The following R3HDM1 variants were observed in gnomAD, a reference collection of about 807,000 sequenced individuals.
R3HDM1 encodes R3H domain-containing protein 1.
Under a neutral mutation model 141.1 loss-of-function variants are expected in R3HDM1, and 46 were observed. That is an observed-to-expected ratio of 0.33 (90% confidence interval 0.26 to 0.42). The LOEUF (loss-of-function observed/expected upper bound fraction) is 0.42, where lower values mean the gene tolerates loss of function less well. Among genes scored for constraint, R3HDM1 ranks in the 10% least tolerant of loss-of-function variants. The probability of loss-of-function intolerance (pLI) is 1.00; values close to 1 mark genes in which losing one functional copy is unlikely to be tolerated. For missense variants in R3HDM1, 1,184 were observed against 1,368.3 expected (o/e 0.87, Z 2.12); for synonymous variants, 435 against 472.9 (o/e 0.92, Z 1.04).
intron 10 of R3HDM1, 23 bp from the exon 11 acceptor site, chr2:135,636,065 A>G (rs1190454446): frequency 1.5e-5 from 24 of 1,610,934 alleles, no homozygotes; most frequent in South Asian, 4.4e-5. Flanking sequence ...TCATTTGCCT[A>G]AAAATTATCC....
chr2:135,547,626 A>G (rs1445702892), intron 1 of R3HDM1, among the ~76,000 whole-genome samples: 2 of 151,780 alleles, frequency 1.3e-5, no homozygotes, highest in East Asian at 1.9e-4. Context: ...GGTTGAATCA[A>G]CTGTTTGCTG....
At chr2:135,666,977 C>G (rs916957949) in intron 19 of R3HDM1, 3 of 430,996 alleles carry the variant, frequency 7.0e-6, no homozygotes, top group African/African-American at 4.4e-5. Context: ...CAAGCACAGT[C>G]TGGAAAAAAA....
chr2:135,676,041 T>C (rs549130961), intron 20 of R3HDM1, among the ~76,000 whole-genome samples: 7 of 152,294 alleles, frequency 4.6e-5, no homozygotes, highest in Admixed American at 1.3e-4. Flanking sequence ...GTTGTAGATA[T>C]TAGGCCAGGC....
At chr2:135,717,735 A>T (rs184988962) in intron 24 of R3HDM1, among the ~76,000 whole-genome samples, 2 of 152,338 alleles carry the variant, frequency 1.3e-5, no homozygotes, top group African/African-American at 4.8e-5. Flanking sequence ...AAATTCTCAC[A>T]CATTGGCGGT....
chr2:135,640,098 C>CAAAA (rs909774063), intron 14 of R3HDM1, among the ~76,000 whole-genome samples: 4 of 69,870 alleles, frequency 5.7e-5, no homozygotes, highest in Non-Finnish European at 1.2e-4. Context: ...GACTCCGTCT[C>CAAAA]AAAAAAAAAA....
At chr2:135,573,066 A>G (rs1195939741) in intron 1 of R3HDM1, among the ~76,000 whole-genome samples, 1 of 152,212 alleles carries the variant, frequency 6.6e-6, no homozygotes, top group Non-Finnish European at 1.5e-5. Context: ...AAAATATTCT[A>G]AAATTGATTG....
At chr2:135,677,089 A>G (rs769546942) in intron 20 of R3HDM1, among the ~76,000 whole-genome samples, 1 of 152,214 alleles carries the variant, frequency 6.6e-6, no homozygotes, top group Non-Finnish European at 1.5e-5. Context: ...AAATTGGTTA[A>G]GATGACATTC....
chr2:135,718,923 G>A (rs780394556), intron 24 of R3HDM1, among the ~76,000 whole-genome samples: 1 of 152,140 alleles, frequency 6.6e-6, no homozygotes, highest in Non-Finnish European at 1.5e-5. Flanking sequence ...TGAGGTGGGT[G>A]GATCAGGAGG....
At chr2:135,555,066 C>T (rs1172431325) in intron 1 of R3HDM1, among the ~76,000 whole-genome samples, 1 of 151,972 alleles carries the variant, frequency 6.6e-6, no homozygotes, top group African/African-American at 2.4e-5. Flanking sequence ...CTTTGGGAGG[C>T]CAAGGTGGGC....
intron 17 of R3HDM1, chr2:135,651,477 G>A: frequency 1.2e-5 from 12 of 967,600 alleles, no homozygotes; most frequent in Non-Finnish European, 1.5e-5. Flanking sequence ...GTGAAATGTT[G>A]TACCCTACTC....
intron 17 of R3HDM1, chr2:135,651,127 T>A: frequency 2.0e-6 from 2 of 985,428 alleles, no homozygotes; most frequent in Non-Finnish European, 2.4e-6. Flanking sequence ...TGTCAAATTA[T>A]CTGACTTCCA....
chr2:135,585,083 T>G (rs1201045865), intron 1 of R3HDM1, among the ~76,000 whole-genome samples: 1 of 152,194 alleles, frequency 6.6e-6, no homozygotes, highest in Non-Finnish European at 1.5e-5. Flanking sequence ...AGTAAAAGAT[T>G]GTACACTGGA....
intron 21 of R3HDM1, among the ~76,000 whole-genome samples, chr2:135,686,053 A>G (rs570314180): frequency 2.0e-5 from 3 of 152,362 alleles, no homozygotes; most frequent in Admixed American, 1.3e-4. Context: ...AATGGCAAAC[A>G]GGCCAGAGAA....
intron 1 of R3HDM1, among the ~76,000 whole-genome samples, chr2:135,582,342 A>C (rs1430536379): frequency 1.3e-5 from 2 of 152,200 alleles, no homozygotes; most frequent in African/African-American, 2.4e-5. Context: ...TAAATAAATA[A>C]ATACAAATTA....
At chr2:135,565,792 G>A (rs1702656201) in intron 1 of R3HDM1, 2 of 152,752 alleles carry the variant, frequency 1.3e-5, no homozygotes, top group Admixed American at 1.3e-4. Context: ...TCTATGTTGG[G>A]GTGATCAGAC....
intron 1 of R3HDM1, among the ~76,000 whole-genome samples, chr2:135,602,266 TC>T (rs1174485480): frequency 6.6e-6 from 1 of 152,194 alleles, no homozygotes; most frequent in African/African-American, 2.4e-5. Flanking sequence ...TCATTTTCTT[TC>T]CTCTTCTCTC....
At chr2:135,621,406 A>G (rs1361338780) in intron 5 of R3HDM1, 88 bp from the exon 6 acceptor site, 2 of 801,234 alleles carry the variant, frequency 2.5e-6, no homozygotes, top group South Asian at 2.8e-5. Context: ...CCTCTGTACA[A>G]TTCTGTGTTA....
At chr2:135,582,577 C>T (rs1292599097) in intron 1 of R3HDM1, among the ~76,000 whole-genome samples, 1 of 152,068 alleles carries the variant, frequency 6.6e-6, no homozygotes, top group Non-Finnish European at 1.5e-5. Context: ...TTACTCAGTA[C>T]AGGGTGCAGG....
rs146413589 is a variant in R3HDM1 at position 135,712,881 on chromosome 2, A to T, written c.2736+2650A>T. Reference sequence around the variant, plus strand: ...GCTTGCAGTGAGCCAAGATCGCCCCACTGCACTCCAGCCTGGGCAACAGAG... The same window carrying T: ...GCTTGCAGTGAGCCAAGATCGCCCCTCTGCACTCCAGCCTGGGCAACAGAG... On this transcript the variant is annotated intron_variant, in intron 23 of 26. Transcript: ENST00000683871. Among the ~76,000 whole-genome samples, 1,607 of 151,900 alleles carry T rather than the reference A, an allele frequency of 0.011. 98 individuals carry two copies. The East Asian group carries it at 0.19, about 18-fold the overall frequency.
Sources: gnomAD v4.1 joint callset for allele counts (sites outside exome capture counted in the v4.1 genomes callset) on GRCh38, gnomAD v4.1.1 for gene constraint, MANE v1.5 for transcripts, NCBI Gene and HGNC (gene_info 2026-07-23, HGNC 2026-07-21) for gene names.